Variants in IKZF3 observed in about 807,000 individuals in gnomAD.
The protein encoded by IKZF3 is IKAROS family zinc finger 3.
In IKZF3, 10 loss-of-function variants were observed where a neutral mutation model predicts 49.0. The observed-to-expected ratio is 0.20, with a 90% CI of 0.13 to 0.35. The LOEUF (loss-of-function observed/expected upper bound fraction) is 0.35, where lower values mean the gene tolerates loss of function less well. IKZF3 is among the 10% of genes least tolerant of loss of function. The pLI is 1.00. For missense variants in IKZF3, 498 were observed against 664.8 expected (o/e 0.75, Z 2.76); for synonymous variants, 209 against 228.2 (o/e 0.92, Z 0.76).
At chr17:39,837,285 TC>T (rs2062318415) in intron 1 of IKZF3, among the ~76,000 whole-genome samples, 1 of 152,114 alleles carries the variant, frequency 6.6e-6, no homozygotes, top group Admixed American at 6.6e-5. Flanking sequence ...TGGTATCACG[TC>T]CCTACAGTCT....
At position 39,799,160 on chromosome 17, in the gene IKZF3, C is replaced by T. The variant is rs2061253980; in HGVS notation, c.164-6227G>A. On this transcript the variant is annotated intron_variant, in intron 3 of 7. Transcript: ENST00000346872. ...GAGACTGGAAATGTTCATTTAAAAC[C>T]ATGCTCTCCAGATAAACCTTATGCA... 1.3e-5 allele frequency among the ~76,000 whole-genome samples: 2 copies of T among 152,020 alleles called. 1 individual carries two copies. The highest frequency in any genetic ancestry group is 4.1e-4 in the South Asian group (2 of 4,822).
chr17:39,835,532 G>T, intron 1 of IKZF3: 1 of 431,504 alleles, frequency 2.3e-6, no homozygotes, highest in South Asian at 1.7e-5. Flanking sequence ...TCCCAGGCAG[G>T]GTCTGCAGCT....
chr17:39,789,135 A>G (rs1328580566), intron 5 of IKZF3, among the ~76,000 whole-genome samples: 1 of 152,162 alleles, frequency 6.6e-6, no homozygotes, highest in African/African-American at 2.4e-5. Flanking sequence ...TTTGAATAAT[A>G]GAAATAAAAA....
At chr17:39,791,308 G>T in intron 5 of IKZF3, 108 bp downstream of exon 5, 1 of 1,194,768 alleles carries the variant, frequency 8.4e-7, no homozygotes, top group Non-Finnish European at 1.2e-6. Flanking sequence ...TAACCCTTCA[G>T]AACAAGAATG....
intron 1 of IKZF3, among the ~76,000 whole-genome samples, chr17:39,855,213 A>G (rs901268347): frequency 3.9e-5 from 6 of 152,038 alleles, no homozygotes; most frequent in Non-Finnish European, 7.4e-5. Context: ...CCCACATAAG[A>G]TTTTGGTATA....
At chr17:39,784,681 C>A (rs1219219800) in intron 6 of IKZF3, among the ~76,000 whole-genome samples, 1 of 152,196 alleles carries the variant, frequency 6.6e-6, no homozygotes, top group Non-Finnish European at 1.5e-5. Flanking sequence ...GGATTACAGG[C>A]GCGACCCACC....
intron 3 of IKZF3, 77 bp downstream of exon 3, chr17:39,829,310 A>G: frequency 2.1e-6 from 2 of 948,596 alleles, no homozygotes; most frequent in Admixed American, 4.3e-5. Context: ...TTTTCCTTGG[A>G]GAGCTGATTT....
intron 1 of IKZF3, among the ~76,000 whole-genome samples, chr17:39,853,815 C>G (rs1290895408): frequency 7.0e-6 from 1 of 142,590 alleles, no homozygotes; most frequent in Non-Finnish European, 1.5e-5. Flanking sequence ...AGCCTGGCAA[C>G]AAGAGCGAAA....
intron 1 of IKZF3, among the ~76,000 whole-genome samples, chr17:39,854,074 C>T (rs1189174743): frequency 2.0e-5 from 3 of 152,010 alleles, no homozygotes; most frequent in Non-Finnish European, 4.4e-5. Context: ...TGCAGTGAGC[C>T]GAGATCACGC....
intron 5 of IKZF3, among the ~76,000 whole-genome samples, chr17:39,789,824 C>T (rs1172184884): frequency 6.6e-6 from 1 of 150,602 alleles, no homozygotes; most frequent in Middle Eastern, 3.4e-3. Context: ...TCGCTTGAAC[C>T]TGGGAGGCGG....
Position 39,766,134 on chromosome 17 carries a change from G to A in IKZF3, c.1186C>T (p.Arg396Cys), listed in dbSNP as rs748446589. 43 of 1,614,044 alleles carry A rather than the reference G, an allele frequency of 2.7e-5. No homozygotes were observed. The highest frequency in any genetic ancestry group is 3.0e-5 in the Non-Finnish European group (35 of 1,180,028). ...STDTDSNHEE[R>C]QNHIYQQNHM... ...TTTTGCTGATAGATGTGATTCTGGC[G>A]TTCTTCATGGTTGCTGTCAGTGTCC... Residue 396 changes from arginine (R) to cysteine (C), a missense_variant, in exon 8 of 8, where the codon CGC (arginine) becomes TGC (cysteine). Physicochemically the swap from Arg to Cys is radical, Grantham distance 180 (BLOSUM62 -3). Around this residue, in one of 3 missense-constraint regions of IKZF3, gnomAD observed 317 missense variants for 397.3 expected, o/e 0.80. Coordinates refer to ENST00000346872, the MANE Select transcript of IKZF3 (RefSeq NM_012481.5).
At chr17:39,827,583 C>G (rs2061991887) in intron 3 of IKZF3, among the ~76,000 whole-genome samples, 1 of 152,190 alleles carries the variant, frequency 6.6e-6, no homozygotes, top group African/African-American at 2.4e-5. Flanking sequence ...GCTGGGATTA[C>G]AGGTGTGAGC....
chr17:39,770,075 C>A (rs371617088), intron 7 of IKZF3, among the ~76,000 whole-genome samples: 2 of 152,168 alleles, frequency 1.3e-5, no homozygotes, highest in Non-Finnish European at 2.9e-5. Flanking sequence ...GTTACGGTAA[C>A]TTGAGCAGTG....
At chr17:39,847,023 C>T (rs75756726) in intron 1 of IKZF3, among the ~76,000 whole-genome samples, 3,032 of 152,064 alleles carry the variant, frequency 0.02, 114 homozygotes, top group African/African-American at 0.07. Context: ...TATACCCATA[C>T]CTCTTTTTTA....
At chr17:39,812,855 T>C (rs2061592687) in intron 3 of IKZF3, among the ~76,000 whole-genome samples, 1 of 152,032 alleles carries the variant, frequency 6.6e-6, no homozygotes, top group Admixed American at 6.5e-5. Flanking sequence ...TCCCAGAACT[T>C]TGGGAGGCCG....
At chr17:39,848,318 TC>T (rs1395313222) in intron 1 of IKZF3, among the ~76,000 whole-genome samples, 2 of 152,234 alleles carry the variant, frequency 1.3e-5, no homozygotes, top group African/African-American at 4.8e-5. Flanking sequence ...AAAGTCAGTG[TC>T]TAGTGTTATT....
In IKZF3 at chr17:39,856,019, TTGTATA is replaced by T. The variant is rs1568073473; in HGVS notation, c.7+8095_7+8100del. 2.6e-4 allele frequency among the ~76,000 whole-genome samples: 38 copies of T among 148,070 alleles called. No individual in the cohort carries two copies. In the South Asian group the frequency reaches 4.8e-3, roughly 19 times the overall value. ...GTATATGTACAATATAACATGTATA[TTGTATA>T]TGTACAATATAACATGTATATTGTA... On this transcript the variant is annotated intron_variant, in intron 1 of 7. Transcript: ENST00000346872.
chr17:39,766,171 G>A lies in IKZF3; in HGVS notation c.1149C>T (p.Gly383=). 6.2e-7 allele frequency: 1 copy of A among 1,614,104 alleles called. No individual in the cohort carries two copies. The highest frequency in any genetic ancestry group is 8.5e-7 in the Non-Finnish European group (1 of 1,180,008). Residue 383 remains glycine (G), a synonymous_variant, in exon 8 of 8, where the codon GGC becomes GGT. Coordinates refer to ENST00000346872, the MANE Select transcript of IKZF3 (RefSeq NM_012481.5). ...SERGLSPNNS[G]HDSTDTDSNH... ...TGCTGTCAGTGTCCGTGGAGTCGTG[G>A]CCACTATTGTTGGGAGAGAGGCCTC...
At chr17:39,818,083 T>TGTACAGCATGTTATGG (rs1375463647) in intron 3 of IKZF3, among the ~76,000 whole-genome samples, 6 of 152,214 alleles carry the variant, frequency 3.9e-5, no homozygotes. Flanking sequence ...GCTCTTAGAC[T>TGTACAGCATGTTATGG]GTACAGCATG....
Sources: allele counts gnomAD v4.1 joint callset (sites outside exome capture counted in the v4.1 genomes callset), GRCh38; gene constraint gnomAD v4.1.1; regional missense constraint gnomAD v4.1.1; transcripts MANE v1.5; gene names NCBI Gene and HGNC (gene_info 2026-07-23, HGNC 2026-07-21).